Variants in KCTD1 observed in about 807,000 individuals in gnomAD.
KCTD1 encodes BTB/POZ domain-containing protein KCTD1.
In KCTD1, 24 loss-of-function variants were observed where a neutral mutation model predicts 66.0. The observed-to-expected ratio is 0.36, with a 90% CI of 0.26 to 0.51. KCTD1 has a LOEUF of 0.51. Among genes scored for constraint, KCTD1 ranks in the 20% least tolerant of loss-of-function variants. KCTD1 has a pLI of 0.95. For synonymous variants in KCTD1, 511 were observed against 517.2 expected, an observed-to-expected ratio of 0.99 and a Z score of 0.16; for missense variants, 943 against 1,205.2, an observed-to-expected ratio of 0.78 and a Z score of 3.22.
At chr18:26,503,659 G>A (rs930107354) in intron 1 of KCTD1, among the ~76,000 whole-genome samples, 4 of 152,072 alleles carry the variant, frequency 2.6e-5, no homozygotes, top group East Asian at 1.9e-4. Context: ...TAATATTGTC[G>A]TTAGACTGTG....
intron 3 of KCTD1, among the ~76,000 whole-genome samples, chr18:26,466,279 C>G (rs1174034295): frequency 6.6e-6 from 1 of 152,204 alleles, no homozygotes; most frequent in Non-Finnish European, 1.5e-5. Context: ...AGGCCCTGGG[C>G]TTGCTGAGAC....
At chr18:26,561,920 C>CGTCTA (rs1291095759) in intron 1 of KCTD1, among the ~76,000 whole-genome samples, 3 of 152,158 alleles carry the variant, frequency 2.0e-5, no homozygotes, top group African/African-American at 7.2e-5. Context: ...CCAGACCCAC[C>CGTCTA]GTCTAGTCTG....
chr18:26,656,654 A>G (rs1000222951), intron 1 of KCTD1, among the ~76,000 whole-genome samples: 1 of 151,126 alleles, frequency 6.6e-6, no homozygotes, highest in African/African-American at 2.4e-5. Flanking sequence ...CTCGGCCGCC[A>G]CAATGGCGTC....
rs1313320039 is a variant in KCTD1 at position 26,548,366 on chromosome 18, C to T, written c.171G>A (p.Glu57=). The T allele has an allele frequency of 6.7e-7, 1 of 1,483,868 alleles. No homozygotes were observed. Among genetic ancestry groups the T allele is most frequent in the East Asian group, 2.7e-5 (1 of 37,102 alleles). The allele number at this position is 1,483,868 out of a possible 1,614,324, so 91.9% of individuals were successfully genotyped here. A position where few individuals can be genotyped will look rare whatever the true frequency, so the allele number is the denominator to read the frequency against. ...RPHYCSAGEE[E]EEEEEEDEIQ... ...TCTCGTCCTCCTCCTCCTCTTCCTCCTCCTCCTCGCCCGCGCTGCAGTAGT... is the reference window on the plus strand; with the variant it reads ...TCTCGTCCTCCTCCTCCTCTTCCTCTTCCTCCTCGCCCGCGCTGCAGTAGT... The change falls in exon 1 of 5, where the codon GAG becomes GAA. Residue 57 remains glutamate (E), a synonymous_variant. Coordinates refer to ENST00000580059, the MANE Select transcript of KCTD1 (RefSeq NM_001142730.3).
In KCTD1 at chr18:26,547,880, G is replaced by T. The variant is rs1567989295; in HGVS notation, c.657C>A (p.Ser219Arg). ...RSFYAEARSK[S>R]GQLYSKSSLI... ...GCGACGACTTGCTGTAGAGCTGGCCGCTTTTGGAGCGGGCCTCGGCATAGA... is the reference window on the plus strand; with the variant it reads ...GCGACGACTTGCTGTAGAGCTGGCCTCTTTTGGAGCGGGCCTCGGCATAGA... Residue 219 changes from serine (S) to arginine (R), a missense_variant, in exon 1 of 5, where the codon AGC becomes AGA. Transcript: ENST00000580059. 2.6e-6 allele frequency: 4 copies of T among 1,543,084 alleles called. No homozygotes were observed. The highest frequency in any genetic ancestry group is 2.7e-5 in the African/African-American group (2 of 73,178).
At chr18:26,522,105 G>A (rs1983940980) in intron 1 of KCTD1, among the ~76,000 whole-genome samples, 1 of 152,316 alleles carries the variant, frequency 6.6e-6, no homozygotes. Context: ...GTTGTGAGTT[G>A]AACTGTGTCC....
At chr18:26,612,318 A>G (rs1422519512) in intron 1 of KCTD1, among the ~76,000 whole-genome samples, 2 of 152,056 alleles carry the variant, frequency 1.3e-5, no homozygotes, top group African/African-American at 4.8e-5. Context: ...GTCCCTATCT[A>G]TTTTGGGTTG....
At chr18:26,630,654 G>A (rs1339499673), upstream of KCTD1, among the ~76,000 whole-genome samples, 2 of 152,200 alleles carry the variant, frequency 1.3e-5, no homozygotes, top group African/African-American at 2.4e-5. Context: ...TTAGTGTTCT[G>A]TGTTGCTGAC....
chr18:26,488,810 C>T (rs1373010762), intron 2 of KCTD1, among the ~76,000 whole-genome samples: 1 of 152,214 alleles, frequency 6.6e-6, no homozygotes, highest in Admixed American at 6.5e-5. Context: ...TGGCATTTGA[C>T]ACTCGGTAGC....
chr18:26,463,101 G>A (rs938528265), intron 3 of KCTD1, among the ~76,000 whole-genome samples: 1 of 152,150 alleles, frequency 6.6e-6, no homozygotes, highest in East Asian at 1.9e-4. Context: ...CCACTCAAGA[G>A]TGTGCTAGAT....
intron 1 of KCTD1, among the ~76,000 whole-genome samples, chr18:26,602,352 G>A (rs760968720): frequency 4.6e-5 from 7 of 152,028 alleles, no homozygotes; most frequent in Non-Finnish European, 1.0e-4. Flanking sequence ...TTTGTATTCT[G>A]TTGAAAATTT....
chr18:26,521,745 C>A (rs8084764), intron 1 of KCTD1, among the ~76,000 whole-genome samples: 86,049 of 151,938 alleles, frequency 0.57, 24,503 homozygotes, highest in East Asian at 0.69. Context: ...TTTACATGAA[C>A]CTCTAGAAAA....
At chr18:26,654,931 G>A (rs1988101592) in intron 1 of KCTD1, among the ~76,000 whole-genome samples, 1 of 152,182 alleles carries the variant, frequency 6.6e-6, no homozygotes, top group Non-Finnish European at 1.5e-5. Context: ...GCCCCTCGTA[G>A]TAAGCCAAAT....
chr18:26,509,598 C>T (rs1244444548), intron 1 of KCTD1, among the ~76,000 whole-genome samples: 2 of 152,020 alleles, frequency 1.3e-5, no homozygotes, highest in Non-Finnish European at 2.9e-5. Flanking sequence ...TAGCTACTCG[C>T]TAAAATCATC....
chr18:26,624,646 C>A (rs1987459779), intron 1 of KCTD1, among the ~76,000 whole-genome samples: 1 of 152,260 alleles, frequency 6.6e-6, no homozygotes, highest in Non-Finnish European at 1.5e-5. Context: ...AAGTTTGCTG[C>A]AGTGGCGGAG....
At chr18:26,630,905 C>T (rs186718808), upstream of KCTD1, among the ~76,000 whole-genome samples, 3 of 152,296 alleles carry the variant, frequency 2.0e-5, no homozygotes, top group Admixed American at 2.0e-4. Flanking sequence ...TGCTTTGAGA[C>T]CTTCACTTGA....
At chr18:26,473,790 G>A (rs1290258473) in intron 3 of KCTD1, among the ~76,000 whole-genome samples, 3 of 152,268 alleles carry the variant, frequency 2.0e-5, no homozygotes, top group Admixed American at 6.5e-5. Flanking sequence ...TGGGAGCAGC[G>A]GGCTCCTGTG....
Position 26,547,647 on chromosome 18 carries a change from A to T in KCTD1, c.890T>A (p.Val297Asp), listed in dbSNP as rs984635307. 5.2e-6 allele frequency: 8 copies of T among 1,551,594 alleles called. No individual in the cohort carries two copies. The highest frequency in any genetic ancestry group is 7.0e-6 in the Non-Finnish European group (8 of 1,146,956). Residue 297 changes from valine (V) to aspartate (D), a missense_variant, in exon 1 of 5, where the codon GTC (valine) becomes GAC (aspartate). This residue lies in a region of KCTD1 where 61 missense variants were observed against 109.6 expected (regional missense o/e 0.56). Coordinates refer to ENST00000580059, the MANE Select transcript of KCTD1 (RefSeq NM_001142730.3). ...CCCGAAGGGCGTGTTGGTGCTGAAG[A>T]CGCTGGAGGTGTACAGCTTGCGCAG... ...ADLRKLYTSS[V>D]FSTNTPFGLL... is the part of the protein sequence containing the mutation.
Position 26,459,927 on chromosome 18 carries a change from T to A in KCTD1, c.2134-2A>T. On this transcript the variant is annotated splice_acceptor_variant, in intron 3 of 4. Transcript: ENST00000580059. LOFTEE classifies it high-confidence loss of function. ...CTCTTCATATAACAAAGTGTAGTCC[T>A]GGAAAAAAAAAAGGTATTTCACAGT... The A allele has an allele frequency of 6.4e-7, 1 of 1,551,388 alleles. No individual in the cohort carries two copies. The highest frequency in any genetic ancestry group is 8.7e-7 in the Non-Finnish European group (1 of 1,150,692).
Sources: allele counts gnomAD v4.1 joint callset (sites outside exome capture counted in the v4.1 genomes callset), GRCh38; gene constraint gnomAD v4.1.1; regional missense constraint gnomAD v4.1.1; transcripts MANE v1.5; gene names NCBI Gene and HGNC (gene_info 2026-07-23, HGNC 2026-07-21).